The following TNRC6B variants were observed in gnomAD, a reference collection of about 807,000 sequenced individuals.
TNRC6B encodes the protein trinucleotide repeat containing adaptor 6B, also known as trinucleotide repeat-containing gene 6B protein.
A neutral mutation model predicts 203.6 loss-of-function variants in TNRC6B; 52 were observed. The ratio of observed to expected loss-of-function variants is 0.26; its 90% CI spans 0.20 to 0.32. The LOEUF (loss-of-function observed/expected upper bound fraction) is 0.32, where lower values mean the gene tolerates loss of function less well. Among genes scored for constraint, TNRC6B ranks in the 10% least tolerant of loss-of-function variants. The pLI is 1.00. For missense variants in TNRC6B, 1,923 were observed against 2,286.2 expected, an observed-to-expected ratio of 0.84 and a Z score of 3.24; for synonymous variants, 838 against 845.7, an observed-to-expected ratio of 0.99 and a Z score of 0.16.
At chr22:40,173,948 C>T (rs2069031424), upstream of TNRC6B, among the ~76,000 whole-genome samples, 1 of 150,576 alleles carries the variant, frequency 6.6e-6, no homozygotes, top group African/African-American at 2.4e-5. Context: ...GGATTACCAG[C>T]AGGTACCACC....
chr22:40,153,712 A>G (rs892198092), intron 3 of TNRC6B, among the ~76,000 whole-genome samples: 5 of 151,906 alleles, frequency 3.3e-5, no homozygotes, highest in Non-Finnish European at 5.9e-5. Flanking sequence ...GAGTTGAACA[A>G]AAACGGTAAC....
intron 1 of TNRC6B, among the ~76,000 whole-genome samples, chr22:40,099,253 CGAAAAAAAAAAAAAG>C (rs2068212599): frequency 7.6e-6 from 1 of 132,014 alleles, no homozygotes; most frequent in Non-Finnish European, 1.5e-5. Flanking sequence ...GACTCTGTCT[CGAAAAAAAAAAAAAG>C]GAAAAAAAAA....
chr22:40,316,025 T>C lies in TNRC6B; in HGVS notation c.4974+13T>C, dbSNP rs991942406. On this transcript the variant is annotated intron_variant, in intron 21 of 22. Coordinates refer to ENST00000454349, the MANE Select transcript of TNRC6B (RefSeq NM_001162501.2). ...TCTCACCCCACAGGTAATTATGCTT[T>C]CTCGCAGTTTTCTAGATAGGACTTG... 1.9e-6 allele frequency: 3 copies of C among 1,611,624 alleles called. No individual in the cohort carries two copies. The highest frequency in any genetic ancestry group is 2.5e-6 in the Non-Finnish European group (3 of 1,178,114).
chr22:40,084,545 T>G (rs1258630360), intron 1 of TNRC6B, among the ~76,000 whole-genome samples: 16 of 152,158 alleles, frequency 1.1e-4, no homozygotes, highest in Non-Finnish European at 2.1e-4. Flanking sequence ...GCCAAAAAAA[T>G]TGAGTTCTGG....
chr22:40,152,009 A>G (rs2068761878), intron 3 of TNRC6B, among the ~76,000 whole-genome samples: 1 of 152,166 alleles, frequency 6.6e-6, no homozygotes, highest in Admixed American at 6.5e-5. Flanking sequence ...AACCTGAAAA[A>G]CAAGAGATTC....
chr22:40,108,578 AT>A (rs2068306504), intron 1 of TNRC6B, among the ~76,000 whole-genome samples: 1 of 152,172 alleles, frequency 6.6e-6, no homozygotes, highest in Non-Finnish European at 1.5e-5. Flanking sequence ...TGCCTTTTAA[AT>A]TCATTCTCCC....
intron 3 of TNRC6B, among the ~76,000 whole-genome samples, chr22:40,149,981 A>C (rs2068733949): frequency 2.0e-5 from 2 of 98,290 alleles, no homozygotes; most frequent in East Asian, 2.3e-4. Context: ...ATTTTTTTTA[A>C]AATGAAAGCC....
intron 9 of TNRC6B, among the ~76,000 whole-genome samples, chr22:40,278,324 C>T (rs973159023): frequency 4.0e-5 from 6 of 151,326 alleles, no homozygotes; most frequent in Admixed American, 2.6e-4. Flanking sequence ...CTTTGGGAGA[C>T]CGAGGTGGGT....
At chr22:40,208,767 A>G (rs1276738233) in intron 1 of TNRC6B, among the ~76,000 whole-genome samples, 2 of 152,246 alleles carry the variant, frequency 1.3e-5, no homozygotes, top group Non-Finnish European at 2.9e-5. Context: ...TTATTTTTTA[A>G]GAGTGGAAAA....
chr22:40,301,364 T>C, intron 15 of TNRC6B, 31 bp downstream of exon 15: 2 of 1,592,338 alleles, frequency 1.3e-6, no homozygotes, highest in Non-Finnish European at 8.6e-7. Context: ...ATTACCTTTT[T>C]AGAAATCTAC....
intron 21 of TNRC6B, among the ~76,000 whole-genome samples, chr22:40,319,662 G>C (rs2071309554): frequency 6.6e-6 from 1 of 152,084 alleles, no homozygotes; most frequent in Non-Finnish European, 1.5e-5. Context: ...CTGACCTCGT[G>C]ATCTGCCCAC....
chr22:40,170,923 A>G (rs1423830866), intron 4 of TNRC6B, among the ~76,000 whole-genome samples: 2 of 144,030 alleles, frequency 1.4e-5, no homozygotes, highest in East Asian at 2.1e-4. Flanking sequence ...ATGTGTGTAT[A>G]TATACACCCA....
intron 3 of TNRC6B, 38 bp from the exon 4 acceptor site, chr22:40,261,794 T>C (rs751084758): frequency 8.6e-6 from 12 of 1,400,028 alleles, no homozygotes; most frequent in Admixed American, 2.3e-5. Context: ...ATGTATTTGA[T>C]GTATTTCAAA....
intron 4 of TNRC6B, among the ~76,000 whole-genome samples, chr22:40,160,561 T>C (rs1490924053): frequency 6.6e-6 from 1 of 152,122 alleles, no homozygotes; most frequent in Non-Finnish European, 1.5e-5. Context: ...CTTATTCTTA[T>C]ATCTTTATTT....
intron 1 of TNRC6B, among the ~76,000 whole-genome samples, chr22:40,239,549 G>A (rs913600287): frequency 6.6e-6 from 1 of 152,336 alleles, no homozygotes; most frequent in Non-Finnish European, 1.5e-5. Context: ...CTAGGGTAAG[G>A]TGTGATGGGC....
chr22:40,303,573 A>G (rs559570880), intron 15 of TNRC6B, among the ~76,000 whole-genome samples: 1 of 152,320 alleles, frequency 6.6e-6, no homozygotes, highest in South Asian at 2.1e-4. Context: ...CTGACCATTT[A>G]TAATCTGCCT....
intron 11 of TNRC6B, 43 bp from the exon 12 acceptor site, chr22:40,285,602 C>T: frequency 3.8e-6 from 6 of 1,591,904 alleles, no homozygotes; most frequent in South Asian, 1.2e-5. Flanking sequence ...CTTGCATTTT[C>T]TTATGTTAAC....
intron 1 of TNRC6B, among the ~76,000 whole-genome samples, chr22:40,214,742 T>TA (rs1270698309): frequency 6.6e-6 from 1 of 152,106 alleles, no homozygotes; most frequent in African/African-American, 2.4e-5. Context: ...TTTGTGGAGA[T>TA]AGAGTCTTGC....
chr22:40,214,128 G>T (rs1338943928), intron 1 of TNRC6B, among the ~76,000 whole-genome samples: 1 of 152,046 alleles, frequency 6.6e-6, no homozygotes, highest in South Asian at 2.1e-4. Context: ...CTAGCCGGGC[G>T]TGGTGGTGCG....
Sources: gnomAD v4.1 joint callset for allele counts (sites outside exome capture counted in the v4.1 genomes callset) on GRCh38, gnomAD v4.1.1 for gene constraint, MANE v1.5 for transcripts, NCBI Gene and HGNC (gene_info 2026-07-23, HGNC 2026-07-21) for gene names.